The following ROBO2 variants were observed in gnomAD, a reference collection of about 807,000 sequenced individuals.
The protein encoded by ROBO2 is roundabout homolog 2.
ROBO2 carries 53 observed loss-of-function variants against 160.8 expected under a neutral mutation model. The ratio of observed to expected loss-of-function variants is 0.33; its 90% confidence interval spans 0.26 to 0.41. The LOEUF (loss-of-function observed/expected upper bound fraction) is 0.41, where lower values mean the gene tolerates loss of function less well. Ranked by LOEUF, ROBO2 falls within the 10% of genes least tolerant of loss-of-function variation. ROBO2 has a pLI of 1.00. For synonymous variants in ROBO2, 664 were observed against 611.7 expected (o/e 1.09, Z -1.26); for missense variants, 1,577 against 1,722.4 (o/e 0.92, Z 1.49).
At chr3:76,509,680 T>C (rs183535950) in intron 2 of ROBO2, among the ~76,000 whole-genome samples, 1 of 152,278 alleles carries the variant, frequency 6.6e-6, no homozygotes, top group Admixed American at 6.5e-5. Context: ...TCCACGAAGC[T>C]GTGAGTGCCT....
chr3:77,190,694 AT>A (rs1459659569), intron 2 of ROBO2, among the ~76,000 whole-genome samples: 1 of 152,020 alleles, frequency 6.6e-6, no homozygotes, highest in East Asian at 1.9e-4. Context: ...ATGCCTTAAA[AT>A]AATTTGTTTC....
chr3:76,099,748 A>G (rs1195355062), intron 2 of ROBO2, among the ~76,000 whole-genome samples: 2 of 152,154 alleles, frequency 1.3e-5, no homozygotes, highest in East Asian at 3.9e-4. Context: ...GTTTTGGAAT[A>G]TGGCTTACCA....
At chr3:77,469,028 A>G (rs2083077542) in intron 2 of ROBO2, among the ~76,000 whole-genome samples, 1 of 152,196 alleles carries the variant, frequency 6.6e-6, no homozygotes. Flanking sequence ...TAGCCTGCCC[A>G]TCCTGACCAT....
At chr3:77,392,747 C>T (rs2074869977) in intron 2 of ROBO2, among the ~76,000 whole-genome samples, 1 of 152,158 alleles carries the variant, frequency 6.6e-6, no homozygotes, top group Non-Finnish European at 1.5e-5. Flanking sequence ...TTGAGCTAAA[C>T]ATTAATTTTG....
chr3:76,096,163 G>T (rs997719459), intron 2 of ROBO2, among the ~76,000 whole-genome samples: 3 of 151,964 alleles, frequency 2.0e-5, no homozygotes, highest in Non-Finnish European at 4.4e-5. Flanking sequence ...TGTGATTCTG[G>T]GCCATCTTCC....
intron 2 of ROBO2, among the ~76,000 whole-genome samples, chr3:76,249,415 A>G (rs1705843581): frequency 6.6e-6 from 1 of 152,062 alleles, no homozygotes; most frequent in Non-Finnish European, 1.5e-5. Context: ...AGAGAATTTT[A>G]ATAAGTGAAT....
chr3:77,212,505 A>G (rs559089287), intron 2 of ROBO2, among the ~76,000 whole-genome samples: 2 of 152,252 alleles, frequency 1.3e-5, no homozygotes, highest in Admixed American at 6.5e-5. Context: ...TAGATATACA[A>G]TCATGTCATC....
intron 2 of ROBO2, among the ~76,000 whole-genome samples, chr3:77,251,435 G>A (rs2090332483): frequency 6.6e-6 from 1 of 152,096 alleles, no homozygotes; most frequent in Non-Finnish European, 1.5e-5. Flanking sequence ...GGTCTTGCAG[G>A]CACCTCTCTC....
At chr3:75,985,362 A>G (rs2065387152) in intron 2 of ROBO2, among the ~76,000 whole-genome samples, 2 of 151,592 alleles carry the variant, frequency 1.3e-5, no homozygotes, top group African/African-American at 4.8e-5. Context: ...ACAGTGATAC[A>G]TTCTGTCCAT....
chr3:77,225,748 TA>T (rs988865152), intron 2 of ROBO2, among the ~76,000 whole-genome samples: 2 of 151,946 alleles, frequency 1.3e-5, no homozygotes, highest in African/African-American at 2.4e-5. Flanking sequence ...CTTAATAGTG[TA>T]AAAAAAGACT....
chr3:76,277,226 G>A (rs1707977575), intron 2 of ROBO2, among the ~76,000 whole-genome samples: 1 of 151,768 alleles, frequency 6.6e-6, no homozygotes, highest in Non-Finnish European at 1.5e-5. Context: ...CATCAATAGG[G>A]TGAAAAAGAA....
intron 2 of ROBO2, among the ~76,000 whole-genome samples, chr3:76,274,705 G>C (rs1707816108): frequency 1.3e-5 from 2 of 152,016 alleles, no homozygotes; most frequent in Middle Eastern, 3.4e-3. Context: ...GGGCATGGTG[G>C]CACGCACCTG....
intron 2 of ROBO2, among the ~76,000 whole-genome samples, chr3:77,187,998 A>G (rs1331765371): frequency 6.6e-6 from 1 of 151,732 alleles, no homozygotes; most frequent in Non-Finnish European, 1.5e-5. Context: ...CTCTATTACC[A>G]TAAACTATTA....
At chr3:76,930,400 C>T (rs2077261645) in intron 2 of ROBO2, among the ~76,000 whole-genome samples, 1 of 152,166 alleles carries the variant, frequency 6.6e-6, no homozygotes, top group Non-Finnish European at 1.5e-5. Flanking sequence ...GAAGTCTCAC[C>T]TGACTGTGCT....
chr3:75,989,024 C>T (rs1263376304), intron 2 of ROBO2, among the ~76,000 whole-genome samples: 1 of 152,010 alleles, frequency 6.6e-6, no homozygotes, highest in Admixed American at 6.6e-5. Context: ...AGATACTTCA[C>T]ATTAATATAT....
chr3:77,011,182 TCTTC>T (rs77321539), intron 2 of ROBO2, among the ~76,000 whole-genome samples: 17,781 of 149,858 alleles, frequency 0.12, 1,303 homozygotes, highest in African/African-American at 0.19. Flanking sequence ...ATCCTTCCTT[TCTTC>T]CTTCCTTCCT....
chr3:77,170,674 G>A (rs75965907), intron 2 of ROBO2, among the ~76,000 whole-genome samples: 7,234 of 151,934 alleles, frequency 0.048, 202 homozygotes, highest in East Asian at 0.087. Context: ...TTATAGAATC[G>A]CTTAGCTTTT....
intron 2 of ROBO2, among the ~76,000 whole-genome samples, chr3:77,141,259 G>A (rs1428836859): frequency 6.6e-6 from 1 of 151,798 alleles, no homozygotes; most frequent in Non-Finnish European, 1.5e-5. Flanking sequence ...TCCTTTATAT[G>A]CTAAGATGGG....
In ROBO2 at chr3:76,834,062, T is replaced by TTTC. The variant is rs368797764; in HGVS notation, c.110-263950_110-263949insCTT. On this transcript the variant is annotated intron_variant, in intron 2 of 26. Coordinates refer to the ROBO2 transcript ENST00000487694. ...TTCCTTTCTTTCTCTCCTTTCTTTC[T>TTTC]TTTCTTTCTTTCTTTCTTTCTTTCT... Among the ~76,000 whole-genome samples, 66 of 88,080 alleles carry TTTC rather than the reference T, an allele frequency of 7.5e-4. 1 individual carries two copies. The highest frequency in any genetic ancestry group is 1.8e-3 in the African/African-American group (40 of 22,100). The allele number at this position is 88,080 out of a possible 152,430, so 57.8% of individuals were successfully genotyped here.
Sources: allele counts gnomAD v4.1 joint callset (sites outside exome capture counted in the v4.1 genomes callset), GRCh38; gene constraint gnomAD v4.1.1; transcripts MANE v1.5; gene names NCBI Gene and HGNC (gene_info 2026-07-23, HGNC 2026-07-21).